The following RORA variants were observed in gnomAD, a reference collection of about 807,000 sequenced individuals.
RORA encodes RAR related orphan receptor A, also known as nuclear receptor ROR-alpha.
In RORA, 7 loss-of-function variants were observed where a neutral mutation model predicts 69.5. The observed-to-expected ratio is 0.10, with a 90% CI of 0.06 to 0.19. The LOEUF is 0.19. RORA is among the 10% of genes least tolerant of loss of function. The probability of loss-of-function intolerance (pLI) is 1.00; values close to 1 mark genes in which losing one functional copy is unlikely to be tolerated. For missense variants in RORA, 457 were observed against 663.0 expected (o/e 0.69, Z 3.41); for synonymous variants, 261 against 240.8 (o/e 1.08, Z -0.78).
chr15:60,814,944 G>A (rs952765159), intron 1 of RORA, among the ~76,000 whole-genome samples: 1 of 152,140 alleles, frequency 6.6e-6, no homozygotes, highest in Admixed American at 6.5e-5. Flanking sequence ...AACCCTGTAG[G>A]TTTATTCTTT....
chr15:60,803,620 G>A (rs540436046), intron 1 of RORA, among the ~76,000 whole-genome samples: 2 of 152,166 alleles, frequency 1.3e-5, no homozygotes, highest in African/African-American at 4.8e-5. Flanking sequence ...TAGCGTTGCT[G>A]CTAATTCCCT....
At chr15:61,172,176 G>A (rs2079591165) in intron 1 of RORA, among the ~76,000 whole-genome samples, 2 of 152,088 alleles carry the variant, frequency 1.3e-5, no homozygotes, top group Admixed American at 1.3e-4. Context: ...CACAGCAGAT[G>A]AATATTTAAT....
chr15:61,169,173 C>T (rs552709857), intron 1 of RORA, among the ~76,000 whole-genome samples: 94 of 152,124 alleles, frequency 6.2e-4, no homozygotes, highest in African/African-American at 2.1e-3. Flanking sequence ...CCCCTGCAGA[C>T]GCCAGGCATC....
At chr15:60,516,123 TA>T (rs2065913338) in intron 3 of RORA, among the ~76,000 whole-genome samples, 3 of 67,006 alleles carry the variant, frequency 4.5e-5, no homozygotes, top group African/African-American at 5.6e-5. Flanking sequence ...TTATATATAT[TA>T]TATTAAATAT....
At chr15:61,163,067 CACTTA>C (rs2079509774) in intron 1 of RORA, among the ~76,000 whole-genome samples, 1 of 152,224 alleles carries the variant, frequency 6.6e-6, no homozygotes, top group South Asian at 2.1e-4. Context: ...AAGAGAAACA[CACTTA>C]ACTTAGTAAC....
chr15:60,805,817 T>C (rs764852771), intron 1 of RORA, among the ~76,000 whole-genome samples: 3 of 152,246 alleles, frequency 2.0e-5, no homozygotes, highest in Non-Finnish European at 2.9e-5. Flanking sequence ...TTCTGCCAAC[T>C]AAGAGGGTCA....
intron 1 of RORA, among the ~76,000 whole-genome samples, chr15:61,193,570 G>C (rs553464084): frequency 6.6e-6 from 1 of 152,116 alleles, no homozygotes; most frequent in African/African-American, 2.4e-5. Flanking sequence ...CTAGTTATAT[G>C]AGCCCATTAA....
At chr15:61,048,978 C>T (rs1319336788) in intron 1 of RORA, among the ~76,000 whole-genome samples, 3 of 152,172 alleles carry the variant, frequency 2.0e-5, no homozygotes, top group Admixed American at 6.5e-5. Context: ...AGACTATCCA[C>T]GAATCCTTAC....
chr15:61,122,760 T>C (rs17303474), intron 1 of RORA, among the ~76,000 whole-genome samples: 11,056 of 152,182 alleles, frequency 0.073, 698 homozygotes, highest in East Asian at 0.27. Flanking sequence ...GTGGCTAGCA[T>C]GCTAACGTCC....
intron 1 of RORA, among the ~76,000 whole-genome samples, chr15:61,171,670 C>CGCTCACTTTCCTCCACT (rs1324972608): frequency 5.3e-5 from 8 of 152,204 alleles, no homozygotes; most frequent in African/African-American, 1.9e-4. Context: ...TATGACACAT[C>CGCTCACTTTCCTCCACT]GCTCACTTTC....
intron 1 of RORA, among the ~76,000 whole-genome samples, chr15:60,989,258 C>T (rs1203885813): frequency 2.0e-5 from 3 of 152,196 alleles, no homozygotes; most frequent in Non-Finnish European, 2.9e-5. Context: ...AATGACTAAT[C>T]TGCTTTTTGT....
chr15:60,807,272 C>A (rs937775881), intron 1 of RORA, among the ~76,000 whole-genome samples: 2 of 152,062 alleles, frequency 1.3e-5, no homozygotes, highest in Admixed American at 6.6e-5. Flanking sequence ...CCAACAATGA[C>A]CAAGCTGAGA....
At chr15:60,947,466 G>A (rs1418911671) in intron 1 of RORA, among the ~76,000 whole-genome samples, 1 of 151,914 alleles carries the variant, frequency 6.6e-6, no homozygotes, top group Non-Finnish European at 1.5e-5. Flanking sequence ...TGCAAGATGT[G>A]CTTTGTTAAA....
intron 1 of RORA, among the ~76,000 whole-genome samples, chr15:60,745,346 G>A (rs1436187756): frequency 6.6e-6 from 1 of 152,178 alleles, no homozygotes; most frequent in Non-Finnish European, 1.5e-5. Context: ...CCCAGGATCC[G>A]CATCTTCCTG....
chr15:60,826,621 G>C (rs1186483027), intron 1 of RORA, among the ~76,000 whole-genome samples: 1 of 151,470 alleles, frequency 6.6e-6, no homozygotes. Context: ...TTTGACAAAA[G>C]TGCCAAAGGG....
At chr15:61,091,387 C>T (rs1255029006) in intron 1 of RORA, among the ~76,000 whole-genome samples, 1 of 152,114 alleles carries the variant, frequency 6.6e-6, no homozygotes, top group Non-Finnish European at 1.5e-5. Context: ...GCCAAATTGC[C>T]ATCAAAATGG....
At chr15:60,981,416 C>A (rs1355818688) in intron 1 of RORA, among the ~76,000 whole-genome samples, 1 of 152,086 alleles carries the variant, frequency 6.6e-6, no homozygotes, top group Non-Finnish European at 1.5e-5. Flanking sequence ...TCTCTCTCTT[C>A]TCTGAGACGC....
intron 1 of RORA, among the ~76,000 whole-genome samples, chr15:61,077,378 C>A (rs2078468335): frequency 6.6e-6 from 1 of 152,138 alleles, no homozygotes; most frequent in South Asian, 2.1e-4. Flanking sequence ...TGGATTCAGT[C>A]ATTTGCCATT....
intron 1 of RORA, among the ~76,000 whole-genome samples, chr15:60,932,530 G>A (rs1260572389): frequency 1.3e-5 from 2 of 152,206 alleles, no homozygotes; most frequent in African/African-American, 2.4e-5. Context: ...TGTAGTGCAA[G>A]GAAATAATTT....
Sources: gnomAD v4.1 joint callset for allele counts (sites outside exome capture counted in the v4.1 genomes callset) on GRCh38, gnomAD v4.1.1 for gene constraint, MANE v1.5 for transcripts, NCBI Gene and HGNC (gene_info 2026-07-23, HGNC 2026-07-21) for gene names.